The following BNC2 variants were observed in gnomAD, a reference collection of about 807,000 sequenced individuals.
The protein encoded by BNC2 is zinc finger protein basonuclin-2.
Under a neutral mutation model 76.3 loss-of-function variants are expected in BNC2, and 20 were observed. The ratio of observed to expected loss-of-function variants is 0.26; its 90% CI spans 0.18 to 0.38. BNC2 has a LOEUF of 0.38. Ranked by LOEUF, BNC2 falls within the 10% of genes least tolerant of loss-of-function variation. The pLI, the probability that BNC2 is intolerant of heterozygous loss-of-function variation, is 1.00. For synonymous variants in BNC2, 582 were observed against 514.8 expected, an observed-to-expected ratio of 1.13 and a Z score of -1.77; for missense variants, 1,382 against 1,399.8, an observed-to-expected ratio of 0.99 and a Z score of 0.20.
At chr9:16,773,288 T>C (rs1374624053) in intron 1 of BNC2, among the ~76,000 whole-genome samples, 1 of 152,178 alleles carries the variant, frequency 6.6e-6, no homozygotes, top group Non-Finnish European at 1.5e-5. Context: ...CTTATGACTT[T>C]GCAATATCAA....
chr9:16,462,870 T>A (rs370813388), intron 5 of BNC2, among the ~76,000 whole-genome samples: 70 of 152,320 alleles, frequency 4.6e-4, no homozygotes, highest in African/African-American at 1.6e-3. Flanking sequence ...CTCCAGATCC[T>A]GAATGACCCC....
chr9:16,768,566 T>C (rs1188508551), intron 1 of BNC2, among the ~76,000 whole-genome samples: 1 of 152,080 alleles, frequency 6.6e-6, no homozygotes, highest in Non-Finnish European at 1.5e-5. Flanking sequence ...ATGAAAATGC[T>C]AGGCAAAGAG....
At chr9:16,826,526 T>A (rs1376235563) in intron 1 of BNC2, among the ~76,000 whole-genome samples, 1 of 152,200 alleles carries the variant, frequency 6.6e-6, no homozygotes, top group African/African-American at 2.4e-5. Context: ...TAAATTAAGC[T>A]GCTTGCCATA....
intron 4 of BNC2, among the ~76,000 whole-genome samples, chr9:16,575,071 G>C (rs1819443625): frequency 6.6e-6 from 1 of 152,148 alleles, no homozygotes; most frequent in Non-Finnish European, 1.5e-5. Flanking sequence ...TGAGGCATCT[G>C]GATTATCTCA....
chr9:16,437,390 C>T lies in BNC2; in HGVS notation c.804G>A (p.Gly268=). Residue 268 remains glycine, a synonymous_variant, in exon 6 of 7, where the codon GGG becomes GGA. Transcript: ENST00000380672. ...TTGAAGATGGTACAGCCACGGCCTG[C>T]CCTTCTTTCTCCTGAATTGCCATCA... ...VELMAIQEKE[G]QAVAVPSSKT... 6.2e-7 allele frequency: 1 copy of T among 1,611,860 alleles called. No homozygotes were observed. Among genetic ancestry groups the T allele is most frequent in the Non-Finnish European group, 8.5e-7 (1 of 1,178,294 alleles).
chr9:16,722,475 A>C (rs190554767), intron 3 of BNC2, among the ~76,000 whole-genome samples: 29 of 152,354 alleles, frequency 1.9e-4, no homozygotes, highest in African/African-American at 6.5e-4. Flanking sequence ...ATAATTATAA[A>C]AAATACCTAC....
intron 1 of BNC2, among the ~76,000 whole-genome samples, chr9:16,863,953 G>A (rs1819474762): frequency 6.6e-6 from 1 of 152,134 alleles, no homozygotes; most frequent in African/African-American, 2.4e-5. Context: ...TTTGGGTAAA[G>A]AGGGACAAAT....
chr9:16,732,044 G>A (rs998681521), intron 2 of BNC2, among the ~76,000 whole-genome samples: 1 of 150,936 alleles, frequency 6.6e-6, no homozygotes. Flanking sequence ...AAAAAAGTGT[G>A]TTCTTTCTTG....
intron 3 of BNC2, among the ~76,000 whole-genome samples, chr9:16,691,859 G>A (rs1823183040): frequency 6.8e-6 from 1 of 146,248 alleles, no homozygotes; most frequent in Non-Finnish European, 1.5e-5. Context: ...CACCCAGGCT[G>A]GAGTGCAGTG....
chr9:16,703,439 C>G (rs2134609636), intron 3 of BNC2, among the ~76,000 whole-genome samples: 1 of 152,038 alleles, frequency 6.6e-6, no homozygotes, highest in Middle Eastern at 3.4e-3. Flanking sequence ...CATCATGTTA[C>G]TAGACCAAAT....
intron 3 of BNC2, among the ~76,000 whole-genome samples, chr9:16,725,985 A>AACACACACACACAC (rs201355622): frequency 3.7e-4 from 52 of 142,402 alleles, no homozygotes; most frequent in African/African-American, 1.2e-3. Context: ...CTTCCCTTCT[A>AACACACACACACAC]ACACACACAC....
intron 5 of BNC2, among the ~76,000 whole-genome samples, chr9:16,481,902 G>C (rs985030863): frequency 6.6e-6 from 1 of 152,180 alleles, no homozygotes; most frequent in Non-Finnish European, 1.5e-5. Flanking sequence ...CTACATCCTT[G>C]TTGACAAAAT....
chr9:16,814,950 A>T (rs1184754315), intron 1 of BNC2, among the ~76,000 whole-genome samples: 1 of 152,166 alleles, frequency 6.6e-6, no homozygotes, highest in African/African-American at 2.4e-5. Flanking sequence ...ACTTCAGATG[A>T]TTATCTCTAA....
Position 16,698,914 on chromosome 9 carries a change from G to A in BNC2, c.330+28883C>T, listed in dbSNP as rs78185465. On this transcript the variant is annotated intron_variant, in intron 3 of 6. Coordinates refer to ENST00000380672, the MANE Select transcript of BNC2 (RefSeq NM_017637.6). ...CTTCAGGCAGTTTTCTCTCTTTGAG[G>A]TTTTCTTAATCAGATCTGCCCTATG... Among the ~76,000 whole-genome samples the A allele has an allele frequency of 6.5e-3, 990 of 152,248 alleles. 17 individuals are homozygous for A. Among genetic ancestry groups the A allele is most frequent in the African/African-American group, 0.023 (938 of 41,556 alleles).
intron 1 of BNC2, among the ~76,000 whole-genome samples, chr9:16,766,117 T>A (rs1825686731): frequency 6.6e-6 from 1 of 152,166 alleles, no homozygotes; most frequent in Admixed American, 6.5e-5. Flanking sequence ...CCCTGTTAGG[T>A]CTCCATATTA....
At chr9:16,628,675 A>T (rs1455566468) in intron 3 of BNC2, among the ~76,000 whole-genome samples, 1 of 152,132 alleles carries the variant, frequency 6.6e-6, no homozygotes, top group Non-Finnish European at 1.5e-5. Flanking sequence ...GAGCTACTGC[A>T]AAAAAGTTCT....
intron 1 of BNC2, among the ~76,000 whole-genome samples, chr9:16,819,447 G>C (rs1207070920): frequency 6.6e-6 from 1 of 152,174 alleles, no homozygotes; most frequent in Non-Finnish European, 1.5e-5. Flanking sequence ...TGGATCACCT[G>C]AGGTCTGGAG....
chr9:16,446,918 C>T (rs949329978), intron 5 of BNC2, among the ~76,000 whole-genome samples: 18 of 152,176 alleles, frequency 1.2e-4, no homozygotes, highest in African/African-American at 4.1e-4. Context: ...ATATGCATTT[C>T]CTCTATGGGC....
chr9:16,815,786 ATAGT>A (rs1018764636), intron 1 of BNC2, among the ~76,000 whole-genome samples: 57 of 152,284 alleles, frequency 3.7e-4, no homozygotes, highest in African/African-American at 1.3e-3. Flanking sequence ...TACCAAGTAA[ATAGT>A]TAGTGGTTAG....
Sources: allele counts gnomAD v4.1 joint callset (sites outside exome capture counted in the v4.1 genomes callset), GRCh38; gene constraint gnomAD v4.1.1; transcripts MANE v1.5; gene names NCBI Gene and HGNC (gene_info 2026-07-23, HGNC 2026-07-21).